The following SEC22C variants were observed in gnomAD, a reference collection of about 807,000 sequenced individuals.
SEC22C encodes the protein vesicle-trafficking protein SEC22c.
A neutral mutation model predicts 34.7 loss-of-function variants in SEC22C; 29 were observed. The ratio of observed to expected loss-of-function variants is 0.84; its 90% CI spans 0.62 to 1.14. The LOEUF (loss-of-function observed/expected upper bound fraction) is 1.14, where lower values mean the gene tolerates loss of function less well. Among genes scored for constraint, SEC22C ranks in the 50% most tolerant of loss-of-function variants. SEC22C has a pLI of 0.00. For synonymous variants in SEC22C, 117 were observed against 132.8 expected (o/e 0.88, Z 0.82); for missense variants, 337 against 369.0 (o/e 0.91, Z 0.71).
upstream of SEC22C, among the ~76,000 whole-genome samples, chr3:42,585,246 T>C (rs980051321): frequency 6.6e-6 from 1 of 152,204 alleles, no homozygotes; most frequent in Non-Finnish European, 1.5e-5. Context: ...GTGCAACTGG[T>C]GTGGTTCAGG....
In SEC22C at chr3:42,548,535, T is replaced by C; in HGVS notation, c.*4713A>G. 1 of 1,528,478 alleles carries C rather than the reference T, an allele frequency of 6.5e-7. No homozygotes were observed. The highest frequency in any genetic ancestry group is 9.0e-7 in the Non-Finnish European group (1 of 1,105,384). The allele number at this position is 1,528,478 out of a possible 1,614,324, so 94.7% of individuals were successfully genotyped here. A position where few individuals can be genotyped will look rare whatever the true frequency, so the allele number is the denominator to read the frequency against. ...CCACAGGCTCCCTGCTGATGAGATT[T>C]CCCCAGCAGCAGAAGTTTGACATCA... On this transcript the variant is annotated 3_prime_UTR_variant, in exon 7 of 7. Coordinates refer to ENST00000264454, the MANE Select transcript of SEC22C (RefSeq NM_032970.4).
rs556457508 is a variant in SEC22C, at chr3:42,553,359, G to C, written c.801C>G (p.His267Gln). 6.2e-7 allele frequency: 1 copy of C among 1,614,002 alleles called. No individual in the cohort carries two copies. The highest frequency in any genetic ancestry group is 1.7e-5 in the Admixed American group (1 of 59,990). ...LFICLGNMYL[H>Q]GLRNLWQILF... ...GGATTTGCCAGAGGTTCCTCAGCCCGTGCAGGTACATGTTGCCCAGGCAAA... is the reference window on the plus strand; with the variant it reads ...GGATTTGCCAGAGGTTCCTCAGCCCCTGCAGGTACATGTTGCCCAGGCAAA... The change falls in exon 7 of 7, where the codon CAC (histidine) becomes CAG (glutamine). Residue 267 changes from histidine (H) to glutamine (Q), a missense_variant. His to Gln is a conservative substitution (Grantham distance 24). Coordinates refer to ENST00000264454, the MANE Select transcript of SEC22C (RefSeq NM_032970.4).
At chr3:42,600,647 G>A (rs78321533) in intron 1 of SEC22C, 1 of 178,120 alleles carries the variant, frequency 5.6e-6, no homozygotes, top group Non-Finnish European at 1.2e-5. Context: ...ACTCTCGCGG[G>A]GTTTAGCGTG....
Position 42,548,833 on chromosome 3 carries a change from G to C in SEC22C, c.*4415C>G. On this transcript the variant is annotated 3_prime_UTR_variant, in exon 7 of 7. Coordinates refer to ENST00000264454, the MANE Select transcript of SEC22C (RefSeq NM_032970.4). ...CCAGAAGAAATGGCTGTGCTGTGCT[G>C]CCTGAAGCAGAAAAACCTTCATGTA... The C allele has an allele frequency of 2.8e-6, 4 of 1,413,066 alleles. No individual in the cohort carries two copies. The highest frequency in any genetic ancestry group is 2.8e-5 in the Admixed American group (1 of 35,840). 87.5% of individuals were successfully genotyped at this position (1,413,066 alleles called of 1,614,324 possible). A position where few individuals can be genotyped will look rare whatever the true frequency, so the allele number is the denominator to read the frequency against.
rs1702286729 is a variant in SEC22C, at chr3:42,552,177, T to C, written c.*1071A>G. 2 of 985,160 alleles carry C rather than the reference T, an allele frequency of 2.0e-6. No individual in the cohort carries two copies. 61.0% of individuals were successfully genotyped at this position (985,160 alleles called of 1,614,324 possible). On this transcript the variant is annotated 3_prime_UTR_variant, in exon 7 of 7. Transcript: ENST00000264454. ...TGTGTTAATTATATCTCTATCAAGCTTTAAAAAGTTAACAGATACTTAACT... is the reference window on the plus strand; with the variant it reads ...TGTGTTAATTATATCTCTATCAAGCCTTAAAAAGTTAACAGATACTTAACT...
At chr3:42,580,589 G>C (rs1704272827) in intron 1 of SEC22C, 1 of 152,112 alleles carries the variant, frequency 6.6e-6, no homozygotes, top group South Asian at 2.1e-4. Flanking sequence ...AAACTTGATA[G>C]GACCTTTTAC....
rs1248448373 is a variant in SEC22C at position 42,560,583 on chromosome 3, C to T, written c.526+534G>A. Reference sequence around the variant, plus strand: ...AGTAACCTGCCAAGTCACTCTTCGGCTCCTGAATTTCATCACAATAGTTTC... The same window carrying T: ...AGTAACCTGCCAAGTCACTCTTCGGTTCCTGAATTTCATCACAATAGTTTC... On this transcript the variant is annotated intron_variant, in intron 4 of 6. Coordinates refer to ENST00000264454, the MANE Select transcript of SEC22C (RefSeq NM_032970.4). Among the ~76,000 whole-genome samples the T allele has an allele frequency of 7.2e-5, 11 of 151,810 alleles. No individual in the cohort carries two copies. In the East Asian group the frequency reaches 2.1e-3, roughly 29 times the overall value.
At chr3:42,558,739 C>A (rs1455318839) in intron 4 of SEC22C, among the ~76,000 whole-genome samples, 1 of 152,006 alleles carries the variant, frequency 6.6e-6, no homozygotes, top group Non-Finnish European at 1.5e-5. Flanking sequence ...TTGCAGTAAG[C>A]CAAGATTGCA....
chr3:42,548,794 C>T lies in SEC22C; in HGVS notation c.*4454G>A. On this transcript the variant is annotated 3_prime_UTR_variant, in exon 7 of 7. Transcript: ENST00000264454. ...GTTTACACTGTAGTATAACAAAATGCCTTTTTGTAAAGGCCAGAAGAAATG... is the reference window on the plus strand; with the variant it reads ...GTTTACACTGTAGTATAACAAAATGTCTTTTTGTAAAGGCCAGAAGAAATG... 1.3e-6 allele frequency: 2 copies of T among 1,486,344 alleles called. No individual in the cohort carries two copies. The highest frequency in any genetic ancestry group is 9.0e-7 in the Non-Finnish European group (1 of 1,113,946). 92.1% of individuals were successfully genotyped at this position (1,486,344 alleles called of 1,614,324 possible). A position where few individuals can be genotyped will look rare whatever the true frequency, so the allele number is the denominator to read the frequency against.
chr3:42,575,635 T>C (rs1245151831), intron 1 of SEC22C, among the ~76,000 whole-genome samples: 3 of 152,078 alleles, frequency 2.0e-5, no homozygotes, highest in Non-Finnish European at 4.4e-5. Flanking sequence ...CAAAAACTCA[T>C]AAAGTGAAAG....
At chr3:42,568,063 A>G (rs1323332895) in intron 2 of SEC22C, among the ~76,000 whole-genome samples, 3 of 151,738 alleles carry the variant, frequency 2.0e-5, no homozygotes, top group Non-Finnish European at 2.9e-5. Context: ...CAAGGGCAAA[A>G]CTGTGTCAAA....
intron 2 of SEC22C, chr3:42,564,015 T>G: frequency 1.9e-6 from 2 of 1,077,574 alleles, no homozygotes; most frequent in Non-Finnish European, 2.4e-6. Flanking sequence ...TTAATCTACA[T>G]CAACAGATTT....
intron 1 of SEC22C, among the ~76,000 whole-genome samples, chr3:42,591,840 C>T (rs1160152528): frequency 6.6e-6 from 1 of 152,192 alleles, no homozygotes; most frequent in Non-Finnish European, 1.5e-5. Context: ...CACTGCAAAG[C>T]CTCCTTCACT....
At chr3:42,557,359 A>C (rs1041588338) in intron 5 of SEC22C, among the ~76,000 whole-genome samples, 3 of 152,202 alleles carry the variant, frequency 2.0e-5, no homozygotes, top group African/African-American at 7.2e-5. Context: ...ATTTCTTACC[A>C]ATATCTTGGC....
At chr3:42,560,294 G>C (rs1702821710) in intron 4 of SEC22C, among the ~76,000 whole-genome samples, 1 of 148,012 alleles carries the variant, frequency 6.8e-6, no homozygotes, top group East Asian at 2.0e-4. Flanking sequence ...AGTTCTGTCA[G>C]AACAACTTGG....
rs1286586773 is a variant in SEC22C, at chr3:42,550,821, G to A, written c.*2427C>T. The A allele has an allele frequency of 8.1e-6, 8 of 982,892 alleles. No homozygotes were observed. Among genetic ancestry groups the A allele is most frequent in the Non-Finnish European group, 8.4e-6 (7 of 829,684 alleles). The allele number at this position is 982,892 out of a possible 1,614,324, so 60.9% of individuals were successfully genotyped here. ...GTACAGGTCTACATGGCAACCCAAT[G>A]CCACATAGGAAAAGAAAACAGTCCA... is the stretch of plus-strand genomic sequence containing the variant. On this transcript the variant is annotated 3_prime_UTR_variant, in exon 7 of 7. Coordinates refer to ENST00000264454, the MANE Select transcript of SEC22C (RefSeq NM_032970.4).
rs917734175 is a variant in SEC22C, at chr3:42,594,712, T to C, written c.-28+6248A>G. On this transcript the variant is annotated intron_variant, in intron 1 of 6. Coordinates refer to the SEC22C transcript ENST00000417572. ...TATTCTCATGTAAATATTTTTTAAA[T>C]AATTAAGCAAATCCCTCAATAAGTT... 17 of 441,846 alleles carry C rather than the reference T, an allele frequency of 3.8e-5. No individual in the cohort carries two copies. In the Middle Eastern group the frequency reaches 1.8e-3, roughly 46 times the overall value. 27.4% of individuals were successfully genotyped at this position (441,846 alleles called of 1,614,324 possible).
rs1233389212 is a variant in SEC22C at position 42,549,411 on chromosome 3, C to T, written c.*3837G>A. 2.0e-6 allele frequency: 2 copies of T among 985,642 alleles called. No homozygotes were observed. The highest frequency in any genetic ancestry group is 2.4e-6 in the Non-Finnish European group (2 of 830,100). The allele number at this position is 985,642 out of a possible 1,614,324, so 61.1% of individuals were successfully genotyped here. A position where few individuals can be genotyped will look rare whatever the true frequency, so the allele number is the denominator to read the frequency against. ...TGGCTACAAGGTGCAGTGTGCAACC[C>T]CCATATGCCAAGGGGCAGCTGCTAT... On this transcript the variant is annotated 3_prime_UTR_variant, in exon 7 of 7. Coordinates refer to ENST00000264454, the MANE Select transcript of SEC22C (RefSeq NM_032970.4).
chr3:42,593,432 T>A (rs998537133), intron 1 of SEC22C, among the ~76,000 whole-genome samples: 1 of 152,034 alleles, frequency 6.6e-6, no homozygotes, highest in Non-Finnish European at 1.5e-5. Flanking sequence ...ATAAATAAAT[T>A]AAAGTATATG....
Sources: allele counts gnomAD v4.1 joint callset (sites outside exome capture counted in the v4.1 genomes callset), GRCh38; gene constraint gnomAD v4.1.1; transcripts MANE v1.5; gene names NCBI Gene and HGNC (gene_info 2026-07-23, HGNC 2026-07-21).